The following TRIM44 variants were observed in gnomAD, a reference collection of about 807,000 sequenced individuals.
TRIM44 encodes tripartite motif-containing protein 44.
A neutral mutation model predicts 37.4 loss-of-function variants in TRIM44; 13 were observed. That is an observed-to-expected ratio of 0.35 (90% CI 0.23 to 0.55). TRIM44 has a LOEUF of 0.55. Ranked by LOEUF, TRIM44 falls within the 20% of genes least tolerant of loss-of-function variation. The pLI, the probability that TRIM44 is intolerant of heterozygous loss-of-function variation, is 0.89. For synonymous variants in TRIM44, 175 were observed against 157.2 expected (o/e 1.11, Z -0.85); for missense variants, 426 against 437.2 (o/e 0.97, Z 0.23).
intron 1 of TRIM44, among the ~76,000 whole-genome samples, chr11:35,684,308 A>G (rs1420836331): frequency 6.6e-6 from 1 of 152,270 alleles, no homozygotes; most frequent in African/African-American, 2.4e-5. Context: ...GATATTTTGA[A>G]TATACTGAGT....
chr11:35,694,433 C>T (rs1851672298), intron 2 of TRIM44, among the ~76,000 whole-genome samples: 1 of 152,142 alleles, frequency 6.6e-6, no homozygotes, highest in East Asian at 1.9e-4. Flanking sequence ...TTCTCACCTA[C>T]ATTGGGCCTT....
intron 3 of TRIM44, among the ~76,000 whole-genome samples, chr11:35,731,624 G>A (rs1375750851): frequency 2.0e-5 from 3 of 151,514 alleles, no homozygotes; most frequent in African/African-American, 7.3e-5. Context: ...TTTTCTCACT[G>A]TTTTTTGCAG....
chr11:35,766,697 G>T (rs1264497637), intron 4 of TRIM44, among the ~76,000 whole-genome samples: 1 of 152,168 alleles, frequency 6.6e-6, no homozygotes. Flanking sequence ...GAAAAACCAA[G>T]AATTTGGAGT....
At chr11:35,716,096 G>C (rs764051728) in intron 2 of TRIM44, among the ~76,000 whole-genome samples, 1 of 152,114 alleles carries the variant, frequency 6.6e-6, no homozygotes, top group African/African-American at 2.4e-5. Flanking sequence ...TATAAGCCAA[G>C]AAAAAGACTA....
intron 3 of TRIM44, among the ~76,000 whole-genome samples, chr11:35,735,173 C>A (rs1213234262): frequency 3.3e-5 from 5 of 152,164 alleles, no homozygotes; most frequent in Non-Finnish European, 7.3e-5. Context: ...TTATTTAGGC[C>A]TCCTAGGTCT....
chr11:35,674,460 T>C (rs762042592), intron 1 of TRIM44, among the ~76,000 whole-genome samples: 10 of 152,192 alleles, frequency 6.6e-5, no homozygotes, highest in Non-Finnish European at 1.3e-4. Flanking sequence ...CAAATAACTC[T>C]ATGGGCAGTG....
At chr11:35,766,597 C>T (rs1345851812) in intron 4 of TRIM44, among the ~76,000 whole-genome samples, 1 of 152,214 alleles carries the variant, frequency 6.6e-6, no homozygotes, top group East Asian at 1.9e-4. Context: ...TAGCATTTTG[C>T]AGATAAACTG....
intron 1 of TRIM44, among the ~76,000 whole-genome samples, chr11:35,669,046 T>C (rs1400379777): frequency 2.0e-5 from 3 of 152,246 alleles, no homozygotes; most frequent in Non-Finnish European, 4.4e-5. Flanking sequence ...GCTGCTGTTT[T>C]TAGTTTTTCA....
At chr11:35,678,736 G>A (rs1851492214) in intron 1 of TRIM44, among the ~76,000 whole-genome samples, 1 of 151,950 alleles carries the variant, frequency 6.6e-6, no homozygotes, top group Admixed American at 6.6e-5. Flanking sequence ...AGCTACCCAG[G>A]TAGCTGGGAA....
rs539532864 is a variant in TRIM44 at position 35,814,341 on chromosome 11, G to C, written c.*7956G>C. ...AAAAGACACATGAAGTTATGTGGCA[G>C]TTCCTCACTAGGGAATTTGGTCTCC... On this transcript the variant is annotated 3_prime_UTR_variant, in exon 5 of 5. Transcript: ENST00000299413. 6.6e-6 allele frequency: 1 copy of C among 152,330 alleles called. No individual in the cohort carries two copies. The highest frequency in any genetic ancestry group is 2.1e-4 in the South Asian group (1 of 4,824). 9.4% of individuals were successfully genotyped at this position (152,330 alleles called of 1,614,324 possible).
chr11:35,769,161 G>T (rs1049007469), intron 4 of TRIM44, among the ~76,000 whole-genome samples: 1 of 152,088 alleles, frequency 6.6e-6, no homozygotes, highest in Non-Finnish European at 1.5e-5. Context: ...TACCTGTCAG[G>T]CTCAGTAAGC....
chr11:35,693,828 G>GA (rs1410366073), intron 2 of TRIM44, among the ~76,000 whole-genome samples: 1 of 152,260 alleles, frequency 6.6e-6, no homozygotes, highest in East Asian at 1.9e-4. Context: ...CAGTTGAAGA[G>GA]AGACCATTTG....
intron 4 of TRIM44, among the ~76,000 whole-genome samples, chr11:35,804,494 G>C (rs1401864078): frequency 1.3e-5 from 2 of 152,152 alleles, no homozygotes; most frequent in Admixed American, 1.3e-4. Context: ...CTCACGTTAA[G>C]AATGCTAAAA....
chr11:35,681,100 ATTGT>A (rs1445186647), intron 1 of TRIM44, among the ~76,000 whole-genome samples: 2 of 152,098 alleles, frequency 1.3e-5, no homozygotes, highest in African/African-American at 4.8e-5. Flanking sequence ...TTTTGGGGAC[ATTGT>A]TTGACATCCA....
At chr11:35,694,987 A>G (rs1851678904) in intron 2 of TRIM44, among the ~76,000 whole-genome samples, 1 of 152,216 alleles carries the variant, frequency 6.6e-6, no homozygotes, top group East Asian at 1.9e-4. Context: ...TTATGCAACC[A>G]GAAAACATGC....
intron 2 of TRIM44, among the ~76,000 whole-genome samples, chr11:35,710,561 G>T (rs1032541714): frequency 1.3e-5 from 2 of 152,226 alleles, no homozygotes; most frequent in African/African-American, 4.8e-5. Context: ...TGGAAGGGAA[G>T]GCTAGTTATG....
chr11:35,749,229 A>G (rs1590566395), intron 4 of TRIM44, among the ~76,000 whole-genome samples: 1 of 152,262 alleles, frequency 6.6e-6, no homozygotes, highest in African/African-American at 2.4e-5. Context: ...AACTTATGCT[A>G]TAGAATCTTA....
intron 1 of TRIM44, among the ~76,000 whole-genome samples, chr11:35,682,928 GA>G (rs35874965): frequency 6.6e-6 from 1 of 152,160 alleles, no homozygotes; most frequent in Non-Finnish European, 1.5e-5. Context: ...GAGCCAGGGG[GA>G]AAGTCATAAT....
chr11:35,781,978 C>G (rs1462008277), intron 4 of TRIM44, among the ~76,000 whole-genome samples: 1 of 152,318 alleles, frequency 6.6e-6, no homozygotes, highest in Middle Eastern at 3.4e-3. Context: ...TTTCATCTTT[C>G]AGTATTTCAA....
Sources: gnomAD v4.1 joint callset for allele counts (sites outside exome capture counted in the v4.1 genomes callset) on GRCh38, gnomAD v4.1.1 for gene constraint, MANE v1.5 for transcripts, NCBI Gene and HGNC (gene_info 2026-07-23, HGNC 2026-07-21) for gene names.